Variants in COL4A6 observed in about 807,000 individuals in gnomAD.
COL4A6 encodes the protein collagen alpha-6(IV) chain.
A neutral mutation model predicts 126.7 loss-of-function variants in COL4A6; 59 were observed. That is an observed-to-expected ratio of 0.47 (90% CI 0.38 to 0.58). The LOEUF (loss-of-function observed/expected upper bound fraction) is 0.58. Among genes scored for constraint, COL4A6 ranks in the 20% least tolerant of loss-of-function variants. The pLI is 0.00. For synonymous variants in COL4A6, 547 were observed against 496.6 expected (o/e 1.10, Z -1.35); for missense variants, 1,285 against 1,337.3 (o/e 0.96, Z 0.61).
intron 2 of COL4A6, among the ~76,000 whole-genome samples, chrX:108,400,048 TC>T (rs200141824): frequency 0.066 from 7,354 of 111,427 alleles, 556 homozygotes; most frequent in African/African-American, 0.21. Context: ...ATAAAACTTT[TC>T]TTTTCCGAAG....
At chrX:108,330,861 A>G (rs1370958211) in intron 2 of COL4A6, among the ~76,000 whole-genome samples, 2 of 111,704 alleles carry the variant, frequency 1.8e-5, no homozygotes, top group Non-Finnish European at 3.8e-5. Context: ...CTAAGATTCA[A>G]TAAATGTTTA....
At chrX:108,328,285 T>C (rs2039212101) in intron 2 of COL4A6, among the ~76,000 whole-genome samples, 1 of 110,476 alleles carries the variant, frequency 9.1e-6, no homozygotes, top group Admixed American at 9.7e-5. Flanking sequence ...CAAGCAGACA[T>C]TGCAGACATT....
At chrX:108,394,445 A>C (rs2040918009) in intron 2 of COL4A6, among the ~76,000 whole-genome samples, 1 of 110,893 alleles carries the variant, frequency 9.0e-6, no homozygotes, top group Admixed American at 9.6e-5. Context: ...AAAGAAAAAG[A>C]AAAAAAAAGT....
chrX:108,257,859 T>C (rs776498127), intron 3 of COL4A6, among the ~76,000 whole-genome samples: 11 of 111,460 alleles, frequency 9.9e-5, no homozygotes, highest in African/African-American at 3.6e-4. Flanking sequence ...TGATTTGAGG[T>C]TAAGAGTAAC....
intron 2 of COL4A6, among the ~76,000 whole-genome samples, chrX:108,402,424 T>C (rs892869087): frequency 1.8e-5 from 2 of 111,228 alleles, no homozygotes; most frequent in Non-Finnish European, 3.8e-5. Context: ...AGTTTTATTA[T>C]TCTTTTCAGA....
chrX:108,293,260 A>C (rs963327135), intron 3 of COL4A6, among the ~76,000 whole-genome samples: 1 of 111,392 alleles, frequency 9.0e-6, no homozygotes, highest in African/African-American at 3.3e-5. Context: ...TTATTTTTAA[A>C]ATGGAGAGGA....
chrX:108,278,409 G>C (rs778245245), intron 3 of COL4A6, among the ~76,000 whole-genome samples: 3 of 111,479 alleles, frequency 2.7e-5, no homozygotes, highest in Non-Finnish European at 5.7e-5. Flanking sequence ...AAGATGAAAT[G>C]AATGAAATGA....
At chrX:108,192,345 G>T in intron 18 of COL4A6, 128 bp downstream of exon 18, 2 of 455,008 alleles carry the variant, frequency 4.4e-6, no homozygotes, top group Non-Finnish European at 7.7e-6. Context: ...GGAACCTACT[G>T]ACTACAGTCT....
chrX:108,230,397 T>A (rs892556048), intron 3 of COL4A6, among the ~76,000 whole-genome samples: 2 of 111,878 alleles, frequency 1.8e-5, no homozygotes, highest in African/African-American at 6.5e-5. Flanking sequence ...AATGTCACTA[T>A]CCTAAAAAAC....
At chrX:108,300,724 C>CGTGTGTGTGTGTGTGTGTGT (rs58203884) in intron 3 of COL4A6, among the ~76,000 whole-genome samples, 14 of 92,379 alleles carry the variant, frequency 1.5e-4, no homozygotes, top group South Asian at 5.5e-4. Context: ...CAAACATTGG[C>CGTGTGTGTGTGTGTGTGTGT]GTGTGTGTGT....
At position 108,160,644 on chromosome X, in the gene COL4A6, C is replaced by T. The variant is rs765691496; in HGVS notation, c.4344G>A (p.Gly1448=). 9.1e-6 allele frequency: 11 copies of T among 1,202,791 alleles called. No homozygotes were observed. In the East Asian group the frequency reaches 3.3e-4, roughly 36 times the overall value. The change falls in exon 43 of 45, where the codon GGG becomes GGA. Residue 1448 remains glycine (G), a synonymous_variant. Transcript: ENST00000334504. ...CAGGCATCCCGAAGGGGCCTTGCTGCCCTGGAGCTCCTGAGAGAGACAGAT... is the reference window on the plus strand; with the variant it reads ...CAGGCATCCCGAAGGGGCCTTGCTGTCCTGGAGCTCCTGAGAGAGACAGAT... ...QGPPGFEGAP[G]QQGPFGMPGM...
chrX:108,162,374 A>AGAAGAAGGAGGAGGAG (rs2033975563), intron 41 of COL4A6, among the ~76,000 whole-genome samples: 2 of 108,733 alleles, frequency 1.8e-5, no homozygotes, highest in African/African-American at 6.7e-5. Context: ...AATAAAAAGA[A>AGAAGAAGGAGGAGGAG]GAAGAAGGAG....
chrX:108,261,337 A>C (rs890637529), intron 3 of COL4A6, among the ~76,000 whole-genome samples: 1 of 111,793 alleles, frequency 8.9e-6, no homozygotes, highest in Non-Finnish European at 1.9e-5. Context: ...TGCCCTAGAA[A>C]GCATAAGTAT....
chrX:108,222,122 C>T (rs1182703353), intron 3 of COL4A6, among the ~76,000 whole-genome samples: 2 of 112,449 alleles, frequency 1.8e-5, no homozygotes, highest in African/African-American at 6.5e-5. Context: ...AAATGCCCTG[C>T]TTATAAAATG....
At chrX:108,185,161 G>A (rs1207189050) in intron 23 of COL4A6, among the ~76,000 whole-genome samples, 4 of 111,046 alleles carry the variant, frequency 3.6e-5, no homozygotes, top group South Asian at 3.9e-4. Flanking sequence ...AGAGGCCAAC[G>A]CGGGTGGATC....
rs192569250 is a variant in COL4A6, at chrX:108,375,548, T to C, written c.63+62394A>G. 3.6e-5 allele frequency among the ~76,000 whole-genome samples: 4 copies of C among 111,228 alleles called. No homozygotes were observed. The East Asian group carries it at 1.1e-3, about 31-fold the overall frequency. On this transcript the variant is annotated intron_variant, in intron 2 of 44. Coordinates refer to ENST00000334504, the MANE Select transcript of COL4A6 (RefSeq NM_033641.4). ...AGAGGTGTCCTTATCTATTCCAAACTACCTTTTCTCCTGGAATCTTAATAT... is the reference window on the plus strand; with the variant it reads ...AGAGGTGTCCTTATCTATTCCAAACCACCTTTTCTCCTGGAATCTTAATAT...
In COL4A6 at chrX:108,192,589, G is replaced by A. The variant is rs373339682; in HGVS notation, c.1073-9C>T. ...AGGATCTCCAGGATTACCTGGCATT[G>A]TAATGAAAGAAAATAGTAAATAAAG... On this transcript the variant is annotated splice_polypyrimidine_tract_variant and intron_variant, in intron 17 of 44. Transcript: ENST00000334504. The A allele has an allele frequency of 8.9e-7, 1 of 1,125,303 alleles. No homozygotes were observed. The highest frequency in any genetic ancestry group is 1.2e-6 in the Non-Finnish European group (1 of 824,563). 92.7% of individuals were successfully genotyped at this position (1,125,303 alleles called of 1,213,427 possible).
chrX:108,275,550 A>G (rs1377435729), intron 3 of COL4A6, among the ~76,000 whole-genome samples: 2 of 112,830 alleles, frequency 1.8e-5, no homozygotes, highest in Non-Finnish European at 3.7e-5. Context: ...ATCCCTGAGC[A>G]ATAGAGTATA....
chrX:108,199,031 G>C (rs1467916573), intron 13 of COL4A6, among the ~76,000 whole-genome samples: 1 of 111,346 alleles, frequency 9.0e-6, no homozygotes, highest in South Asian at 3.9e-4. Context: ...GGAGACAATG[G>C]GATAAAATGT....
Sources: gnomAD v4.1 joint callset for allele counts (sites outside exome capture counted in the v4.1 genomes callset) on GRCh38, gnomAD v4.1.1 for gene constraint, MANE v1.5 for transcripts, NCBI Gene and HGNC (gene_info 2026-07-23, HGNC 2026-07-21) for gene names.